TRMU: variants seen among roughly 807,000 people sequenced by gnomAD.
TRMU encodes mitochondrial tRNA-specific 2-thiouridylase 1.
A neutral mutation model predicts 46.9 loss-of-function variants in TRMU; 49 were observed. The ratio of observed to expected loss-of-function variants is 1.05; its 90% CI spans 0.83 to 1.33. The LOEUF is 1.33. Ranked by LOEUF, TRMU falls within the 40% of genes most tolerant of loss-of-function variation. The pLI is 0.00. For missense variants in TRMU, 572 were observed against 532.4 expected, an observed-to-expected ratio of 1.07 and a Z score of -0.73; for synonymous variants, 241 against 200.9, an observed-to-expected ratio of 1.20 and a Z score of -1.69.
In TRMU at chr22:46,342,335, C is replaced by T. The variant is rs142665995; in HGVS notation, c.249-927C>T. Among the ~76,000 whole-genome samples the T allele has an allele frequency of 5.5e-3, 830 of 152,268 alleles. 11 individuals carry two copies. The highest frequency in any genetic ancestry group is 0.019 in the African/African-American group (790 of 41,542). ...GTTGCAAAGGATACAGATGAAGAGA[C>T]GGGTTGGGTGAGGTATGGGGAAAGG... On this transcript the variant is annotated intron_variant, in intron 2 of 10. Transcript: ENST00000645190. This position sits in a 1 kb window ranked among gnomAD's most constrained non-coding sequence, Gnocchi z 4.7.
rs1210499510 is a variant in TRMU, at chr22:46,339,159, T to C, written c.248+1215T>C. Among the ~76,000 whole-genome samples the C allele has an allele frequency of 7.4e-6, 1 of 134,872 alleles. No homozygotes were observed. Among genetic ancestry groups the C allele is most frequent in the Admixed American group, 7.0e-5 (1 of 14,328 alleles). 88.5% of individuals were successfully genotyped at this position (134,872 alleles called of 152,430 possible). A position where few individuals can be genotyped will look rare whatever the true frequency, so the allele number is the denominator to read the frequency against. On this transcript the variant is annotated intron_variant, in intron 2 of 10. Transcript: ENST00000645190. The surrounding 1 kb of genome is among the most constrained non-coding windows in gnomAD (Gnocchi z 4.8). ...TAAACATAGCTGTTTTTCTTTTCTA[T>C]TTTTTTTTGAGACAGAGCCTCGCTC...
intron 1 of TRMU, among the ~76,000 whole-genome samples, chr22:46,337,166 C>T (rs1360428140): frequency 1.3e-5 from 2 of 152,178 alleles, no homozygotes; most frequent in Non-Finnish European, 2.9e-5. Flanking sequence ...GTCATTTGCC[C>T]TGTCTTTCAT....
At chr22:46,337,577 C>G (rs1440887766) in intron 1 of TRMU, among the ~76,000 whole-genome samples, 1 of 152,018 alleles carries the variant, frequency 6.6e-6, no homozygotes, top group Admixed American at 6.6e-5. Context: ...GAGAAAATAC[C>G]ACCTCGTTAA....
rs759299447 is a variant in TRMU at position 46,352,138 on chromosome 22, C to A, written c.669C>A (p.Phe223Leu). ...CATTTCAGAGCATGGGCATGTGTTT[C>A]ATCGGGAAGAGGAATTTTGAACATT... ...LQKKESMGMC[F>L]IGKRNFEHFL... Residue 223 changes from phenylalanine to leucine, a missense_variant, in exon 6 of 11, where the codon TTC (phenylalanine) becomes TTA (leucine). By Grantham distance (22) the Phe-to-Leu change is conservative. Transcript: ENST00000645190. The A allele has an allele frequency of 3.7e-6, 6 of 1,613,774 alleles. No individual in the cohort carries two copies. The highest frequency in any genetic ancestry group is 5.1e-6 in the Non-Finnish European group (6 of 1,180,038).
chr22:46,350,268 C>CT lies in TRMU; in HGVS notation c.479-19dup. 1 of 1,614,074 alleles carries CT rather than the reference C, an allele frequency of 6.2e-7. No individual in the cohort carries two copies. Among genetic ancestry groups the CT allele is most frequent in the Non-Finnish European group, 8.5e-7 (1 of 1,179,960 alleles). The stretch of plus-strand genomic sequence containing the variant: ...ATCATTATTTTTATTCCTGCATCGT[C>CT]TTTTGTTCTTTATTCTTGGCAGCGG... On this transcript the variant is annotated intron_variant, in intron 4 of 10. Transcript: ENST00000645190. The surrounding 1 kb of genome is among the most constrained non-coding windows in gnomAD (Gnocchi z 4.6).
At chr22:46,353,539 T>C (rs2078500716) in intron 7 of TRMU, 3 of 460,184 alleles carry the variant, frequency 6.5e-6, no homozygotes, top group Admixed American at 2.9e-5. Flanking sequence ...GGTGCCTTCT[T>C]TGTGGCCACC....
At position 46,350,614 on chromosome 22, in the gene TRMU, G is replaced by C. The variant is rs1261185269; in HGVS notation, c.651+151G>C. The C allele has an allele frequency of 3.1e-6, 3 of 960,222 alleles. No individual in the cohort carries two copies. Among genetic ancestry groups the C allele is most frequent in the Admixed American group, 2.0e-5 (1 of 51,096 alleles). 59.5% of individuals were successfully genotyped at this position (960,222 alleles called of 1,614,324 possible). A position where few individuals can be genotyped will look rare whatever the true frequency, so the allele number is the denominator to read the frequency against. On this transcript the variant is annotated intron_variant, in intron 5 of 10. Coordinates refer to ENST00000645190, the MANE Select transcript of TRMU (RefSeq NM_018006.5). The surrounding 1 kb of genome is among the most constrained non-coding windows in gnomAD (Gnocchi z 4.6). The stretch of plus-strand genomic sequence containing the variant: ...CTTGGAGCAATAGATGGAGGAGTTT[G>C]CTGAGGCGCACGGTACAGGGCTCTG...
chr22:46,346,111 G>A (rs2078249749), intron 3 of TRMU, among the ~76,000 whole-genome samples: 1 of 152,184 alleles, frequency 6.6e-6, no homozygotes, highest in Non-Finnish European at 1.5e-5. Flanking sequence ...AATATTTTGT[G>A]TTTAAATCTT....
rs2078301735 is a variant in TRMU, at chr22:46,347,916, T to G, written c.478+1372T>G. ...GGGCCGTGCTTGGTCAAGGGAGCCC[T>G]GAGTGTGCCAACAGTCGTCTGCCGC... On this transcript the variant is annotated intron_variant, in intron 4 of 10. Coordinates refer to ENST00000645190, the MANE Select transcript of TRMU (RefSeq NM_018006.5). The surrounding 1 kb of genome is among the most constrained non-coding windows in gnomAD (Gnocchi z 5.0). 1.3e-5 allele frequency among the ~76,000 whole-genome samples: 2 copies of G among 152,200 alleles called. No homozygotes were observed. The highest frequency in any genetic ancestry group is 1.3e-4 in the Admixed American group (2 of 15,280).
intron 10 of TRMU, 60 bp from the exon 11 acceptor site, chr22:46,356,782 C>T: frequency 1.2e-6 from 2 of 1,600,632 alleles, no homozygotes; most frequent in Non-Finnish European, 1.7e-6. Context: ...GCACTCTGCC[C>T]CTGCCTGCCC....
chr22:46,341,736 A>T (rs765497179), intron 2 of TRMU, among the ~76,000 whole-genome samples: 1 of 152,252 alleles, frequency 6.6e-6, no homozygotes. Flanking sequence ...TGCTGGTATC[A>T]TGGCATCTTT....
chr22:46,350,166 T>C lies in TRMU; in HGVS notation c.479-125T>C. ...TGGTCTTTTCCCTAGTAGTTGCTAT[T>C]GAGTGTTGATGTCTGCCTCTGACAG... On this transcript the variant is annotated intron_variant, in intron 4 of 10. Coordinates refer to ENST00000645190, the MANE Select transcript of TRMU (RefSeq NM_018006.5). The surrounding 1 kb of genome is among the most constrained non-coding windows in gnomAD (Gnocchi z 4.6). 5 of 1,113,128 alleles carry C rather than the reference T, an allele frequency of 4.5e-6. No homozygotes were observed. The Admixed American group carries it at 9.9e-5, about 22-fold the overall frequency. 69.0% of individuals were successfully genotyped at this position (1,113,128 alleles called of 1,614,324 possible).
At position 46,342,700 on chromosome 22, in the gene TRMU, C is replaced by T. The variant is rs2078152767; in HGVS notation, c.249-562C>T. ...GGGCCAGGTGCGGTGGCTCACGCCT[C>T]TAATTCCAGCATTTTGGGAGGCTGA... On this transcript the variant is annotated intron_variant, in intron 2 of 10. Transcript: ENST00000645190. This position sits in a 1 kb window ranked among gnomAD's most constrained non-coding sequence, Gnocchi z 4.7. Among the ~76,000 whole-genome samples the T allele has an allele frequency of 6.6e-6, 1 of 152,198 alleles. No individual in the cohort carries two copies. Among genetic ancestry groups the T allele is most frequent in the Non-Finnish European group, 1.5e-5 (1 of 68,038 alleles).
chr22:46,352,425 C>T, intron 7 of TRMU, 95 bp downstream of exon 7: 2 of 1,466,364 alleles, frequency 1.4e-6, no homozygotes, highest in Non-Finnish European at 1.9e-6. Context: ...TCGTCCCTTC[C>T]ACTTGGCTGG....
At chr22:46,341,327 A>C (rs2078117294) in intron 2 of TRMU, among the ~76,000 whole-genome samples, 1 of 152,220 alleles carries the variant, frequency 6.6e-6, no homozygotes, top group African/African-American at 2.4e-5. Flanking sequence ...ATTGCACCTT[A>C]AGTAGTTTAT....
intron 9 of TRMU, 159 bp from the exon 10 acceptor site, chr22:46,355,831 G>T: frequency 9.9e-7 from 1 of 1,005,472 alleles, no homozygotes; most frequent in East Asian, 2.6e-5. Context: ...ACACTGCCCC[G>T]CAGTGTCCTG....
chr22:46,355,954 C>T (rs748828782), intron 9 of TRMU, 36 bp from the exon 10 acceptor site: 1 of 1,610,686 alleles, frequency 6.2e-7, no homozygotes, highest in African/African-American at 1.3e-5. Context: ...CAGGAAAGGC[C>T]TGTGCCCCCT....
rs2078374129 is a variant in TRMU, at chr22:46,350,238, G to C, written c.479-53G>C. On this transcript the variant is annotated intron_variant, in intron 4 of 10. Coordinates refer to ENST00000645190, the MANE Select transcript of TRMU (RefSeq NM_018006.5). The surrounding 1 kb of genome is among the most constrained non-coding windows in gnomAD (Gnocchi z 4.6). ...TGAACAGAAGGACATTGTTGAAAGT[G>C]AAGTATCATTATTTTTATTCCTGCA... The C allele has an allele frequency of 6.2e-7, 1 of 1,607,842 alleles. No homozygotes were observed. The highest frequency in any genetic ancestry group is 8.5e-7 in the Non-Finnish European group (1 of 1,174,882).
intron 8 of TRMU, chr22:46,355,122 C>T (rs989407779): frequency 8.4e-6 from 4 of 477,874 alleles, no homozygotes; most frequent in African/African-American, 1.9e-5. Context: ...TGCTGCCCCA[C>T]AGGTGGTTGC....
Sources: allele counts gnomAD v4.1 joint callset (sites outside exome capture counted in the v4.1 genomes callset), GRCh38; gene constraint gnomAD v4.1.1; non-coding constraint Gnocchi (gnomAD v3.1); transcripts MANE v1.5; gene names NCBI Gene and HGNC (gene_info 2026-07-23, HGNC 2026-07-21).